Variants in UHRF1 observed in about 807,000 individuals in gnomAD.
The protein encoded by UHRF1 is ubiquitin like with PHD and ring finger domains 1, also known as E3 ubiquitin-protein ligase UHRF1.
In UHRF1, 9 loss-of-function variants were observed where a neutral mutation model predicts 96.5. That is an observed-to-expected ratio of 0.09 (90% CI 0.06 to 0.16). UHRF1 has a LOEUF of 0.16. Ranked by LOEUF, UHRF1 falls within the 10% of genes least tolerant of loss-of-function variation. The pLI is 1.00. For synonymous variants in UHRF1, 455 were observed against 469.9 expected (o/e 0.97, Z 0.41); for missense variants, 626 against 1,131.1 (o/e 0.55, Z 6.40).
chr19:4,924,412 G>C (rs1281075196), intron 2 of UHRF1, among the ~76,000 whole-genome samples: 2 of 152,002 alleles, frequency 1.3e-5, no homozygotes, highest in Non-Finnish European at 2.9e-5. Flanking sequence ...GCCTCCCAAA[G>C]TGCTGGGATT....
At chr19:4,941,372 C>T (rs879290520) in intron 5 of UHRF1, among the ~76,000 whole-genome samples, 156 bp from the exon 6 acceptor site, 20 of 152,040 alleles carry the variant, frequency 1.3e-4, no homozygotes, top group East Asian at 3.9e-4. Flanking sequence ...CGCCCTGTTC[C>T]GTTTCATGTT....
intron 15 of UHRF1, among the ~76,000 whole-genome samples, chr19:4,955,187 G>A (rs142847450): frequency 1.3e-4 from 20 of 152,218 alleles, no homozygotes; most frequent in Admixed American, 4.6e-4. Context: ...AGTGCAAAGC[G>A]ACTCACATCT....
In UHRF1 at chr19:4,954,459, G is replaced by A. The variant is rs757209912; in HGVS notation, c.1928G>A (p.Gly643Asp). The A allele has an allele frequency of 6.2e-7, 1 of 1,612,024 alleles. No individual in the cohort carries two copies. Among genetic ancestry groups the A allele is most frequent in the East Asian group, 2.2e-5 (1 of 44,776 alleles). The change falls in exon 14 of 17, where the codon GGC becomes GAC. Residue 643 changes from glycine to aspartate, a missense_variant. By Grantham distance (94) the Gly-to-Asp change is moderately conservative (BLOSUM62 -1). Transcript: ENST00000650932. The surrounding 1 kb of genome is among the most constrained non-coding windows in gnomAD (Gnocchi z 5.9). ...GGGGGCTTCGCGTCCCCCAGGACGG[G>A]CAAGGGCAAGTGGAAGCGGAAGTCG... is the stretch of plus-strand genomic sequence containing the variant. ...QEGGFASPRT[G>D]KGKWKRKSAG...
chr19:4,930,892 TG>T lies in UHRF1; in HGVS notation c.569+19del. Reference sequence around the variant, plus strand: ...AATACGACGAGTGAGTCATGGCAGGTGGGCGGGCCTGGGTATTCAGGCTCTG... The same window carrying T: ...AATACGACGAGTGAGTCATGGCAGGTGGCGGGCCTGGGTATTCAGGCTCTG... On this transcript the variant is annotated intron_variant, in intron 4 of 16. Transcript: ENST00000650932. This position sits in a 1 kb window ranked among gnomAD's most constrained non-coding sequence, Gnocchi z 4.4. The T allele has an allele frequency of 6.2e-7, 1 of 1,611,434 alleles. No individual in the cohort carries two copies. The highest frequency in any genetic ancestry group is 8.5e-7 in the Non-Finnish European group (1 of 1,179,184).
intron 3 of UHRF1, among the ~76,000 whole-genome samples, chr19:4,929,801 T>A (rs2032991837): frequency 6.6e-6 from 1 of 151,916 alleles, no homozygotes; most frequent in African/African-American, 2.4e-5. Flanking sequence ...CCAGCTTTTT[T>A]ATTTTTTTAT....
Position 4,944,585 on chromosome 19 carries a change from G to A in UHRF1, c.1305+135G>A. On this transcript the variant is annotated intron_variant, in intron 9 of 16. Transcript: ENST00000650932. ...GCCTCGGCTAGCCGAGGAGGGGTGT[G>A]GAAAGCCTGCAGGTTTGGGTTTACT... 4 of 914,082 alleles carry A rather than the reference G, an allele frequency of 4.4e-6. No individual in the cohort carries two copies. In the South Asian group the frequency reaches 4.5e-5, roughly 10 times the overall value. The allele number at this position is 914,082 out of a possible 1,614,324, so 56.6% of individuals were successfully genotyped here. A position where few individuals can be genotyped will look rare whatever the true frequency, so the allele number is the denominator to read the frequency against.
At chr19:4,942,012 A>G in intron 7 of UHRF1, 81 bp downstream of exon 7, 2 of 1,371,408 alleles carry the variant, frequency 1.5e-6, no homozygotes, top group Non-Finnish European at 1.9e-6. Flanking sequence ...GATACAGGAG[A>G]GGGGCAGGCG....
In UHRF1 at chr19:4,933,439, C is replaced by T. The variant is rs17881587; in HGVS notation, c.785+483C>T. On this transcript the variant is annotated intron_variant, in intron 5 of 16. Coordinates refer to ENST00000650932, the MANE Select transcript of UHRF1 (RefSeq NM_001048201.3). ...CACCGTTAACCAGGATGGTCTCGAT[C>T]TCCTGACCTCGTGATCTGCCTGCCT... 5.5e-3 allele frequency among the ~76,000 whole-genome samples: 834 copies of T among 152,282 alleles called. 5 individuals carry two copies. Among genetic ancestry groups the T allele is most frequent in the African/African-American group, 0.019 (796 of 41,554 alleles).
chr19:4,920,459 C>T (rs1356192088), intron 2 of UHRF1, among the ~76,000 whole-genome samples: 2 of 151,988 alleles, frequency 1.3e-5, no homozygotes, highest in African/African-American at 2.4e-5. Flanking sequence ...GTAAGTCCCA[C>T]GTAGCCATCA....
At chr19:4,940,953 C>G (rs892388483) in intron 5 of UHRF1, among the ~76,000 whole-genome samples, 2 of 151,818 alleles carry the variant, frequency 1.3e-5, no homozygotes, top group Non-Finnish European at 2.9e-5. Context: ...AATTACAGGT[C>G]TGAGCTACCA....
At chr19:4,929,023 C>A (rs1241084671) in intron 2 of UHRF1, among the ~76,000 whole-genome samples, 199 bp from the exon 3 acceptor site, 1 of 152,192 alleles carries the variant, frequency 6.6e-6, no homozygotes, top group East Asian at 1.9e-4. Flanking sequence ...GGCCTGAGAC[C>A]CTGAGGGAAG....
At chr19:4,918,735 T>TC (rs2032607101) in intron 2 of UHRF1, among the ~76,000 whole-genome samples, 1 of 149,184 alleles carries the variant, frequency 6.7e-6, no homozygotes, top group African/African-American at 2.5e-5. Flanking sequence ...TTTTTTTTTT[T>TC]TTTTAGACAG....
chr19:4,907,495 C>T (rs2032088465), upstream of UHRF1, among the ~76,000 whole-genome samples: 1 of 152,166 alleles, frequency 6.6e-6, no homozygotes, highest in Middle Eastern at 3.4e-3. Flanking sequence ...TCTGGCGACT[C>T]CTGACCTCCA....
At chr19:4,935,384 G>T (rs575660980) in intron 5 of UHRF1, among the ~76,000 whole-genome samples, 37 of 152,308 alleles carry the variant, frequency 2.4e-4, no homozygotes, top group Non-Finnish European at 4.6e-4. Context: ...CAGCCATGCG[G>T]AACTGTGAGT....
At chr19:4,918,717 T>G (rs1018665585) in intron 2 of UHRF1, among the ~76,000 whole-genome samples, 1 of 135,200 alleles carries the variant, frequency 7.4e-6, no homozygotes, top group South Asian at 2.4e-4. Flanking sequence ...CCCAGCTGGT[T>G]TTTTTTTTTT....
chr19:4,907,964 G>A (rs1049782251), upstream of UHRF1, among the ~76,000 whole-genome samples: 8 of 151,832 alleles, frequency 5.3e-5, no homozygotes, highest in South Asian at 1.5e-3. Context: ...TGCCTGCCTC[G>A]GCCTCCCAAA....
chr19:4,934,172 C>G (rs17881193), intron 5 of UHRF1, among the ~76,000 whole-genome samples: 1 of 151,382 alleles, frequency 6.6e-6, no homozygotes, highest in Non-Finnish European at 1.5e-5. Context: ...TACAGGCGCC[C>G]GCCACCACGT....
chr19:4,936,272 G>A (rs113305117), intron 5 of UHRF1, among the ~76,000 whole-genome samples: 1 of 152,102 alleles, frequency 6.6e-6, no homozygotes, highest in African/African-American at 2.4e-5. Flanking sequence ...TAGCACCTTC[G>A]ACTTCTATCA....
chr19:4,935,576 C>G (rs530587486), intron 5 of UHRF1, among the ~76,000 whole-genome samples: 1 of 151,708 alleles, frequency 6.6e-6, no homozygotes, highest in Non-Finnish European at 1.5e-5. Flanking sequence ...TTCTTGGAGG[C>G]CGCCTGCAGT....
Sources: gnomAD v4.1 joint callset for allele counts (sites outside exome capture counted in the v4.1 genomes callset) on GRCh38, gnomAD v4.1.1 for gene constraint, Gnocchi (gnomAD v3.1) non-coding constraint, MANE v1.5 for transcripts, NCBI Gene and HGNC (gene_info 2026-07-23, HGNC 2026-07-21) for gene names.